The following OLFM3 variants were observed in gnomAD, a reference collection of about 807,000 sequenced individuals.
The protein encoded by OLFM3 is noelin-3.
In OLFM3, 20 loss-of-function variants were observed where a neutral mutation model predicts 48.6. The observed-to-expected ratio is 0.41, with a 90% CI of 0.29 to 0.60. The LOEUF (loss-of-function observed/expected upper bound fraction) is 0.60. Ranked by LOEUF, OLFM3 falls within the 20% of genes least tolerant of loss-of-function variation. OLFM3 has a pLI of 0.28. For synonymous variants in OLFM3, 222 were observed against 198.1 expected, an observed-to-expected ratio of 1.12 and a Z score of -1.01; for missense variants, 437 against 544.3, an observed-to-expected ratio of 0.80 and a Z score of 1.96.
At chr1:101,894,301 G>A (rs1359716407) in intron 1 of OLFM3, among the ~76,000 whole-genome samples, 1 of 152,074 alleles carries the variant, frequency 6.6e-6, no homozygotes, top group Non-Finnish European at 1.5e-5. Context: ...GTTAATAGAA[G>A]GTATAACACA....
At chr1:101,863,873 A>G (rs1267952022) in intron 1 of OLFM3, among the ~76,000 whole-genome samples, 1 of 152,186 alleles carries the variant, frequency 6.6e-6, no homozygotes, top group Non-Finnish European at 1.5e-5. Context: ...ACTGCACATA[A>G]TGATTTAAGA....
chr1:101,853,889 T>C (rs745689755), intron 1 of OLFM3, among the ~76,000 whole-genome samples: 8 of 152,066 alleles, frequency 5.3e-5, no homozygotes, highest in Non-Finnish European at 8.8e-5. Flanking sequence ...CAAGCACTTT[T>C]GGTCTAAGCC....
chr1:101,831,606 G>T (rs1250571190), intron 2 of OLFM3, among the ~76,000 whole-genome samples: 1 of 152,068 alleles, frequency 6.6e-6, no homozygotes, highest in Non-Finnish European at 1.5e-5. Flanking sequence ...TAATAACAGG[G>T]GATGTGTTAA....
intron 1 of OLFM3, among the ~76,000 whole-genome samples, chr1:101,951,529 G>GCC (rs1442337655): frequency 6.6e-6 from 1 of 152,116 alleles, no homozygotes; most frequent in African/African-American, 2.4e-5. Flanking sequence ...GAAAGGAAAT[G>GCC]ATCTACCATC....
intron 4 of OLFM3, among the ~76,000 whole-genome samples, chr1:101,806,444 T>C: frequency 6.6e-6 from 1 of 151,628 alleles, no homozygotes; most frequent in East Asian, 1.9e-4. Context: ...CGGAAAGAAA[T>C]AAATGAGGAA....
chr1:101,868,829 A>G (rs574979454), intron 1 of OLFM3, among the ~76,000 whole-genome samples: 1 of 152,266 alleles, frequency 6.6e-6, no homozygotes, highest in East Asian at 1.9e-4. Context: ...TTCAGCTCCA[A>G]CCATGGCTAA....
intron 1 of OLFM3, among the ~76,000 whole-genome samples, chr1:101,936,448 C>T (rs935190115): frequency 3.9e-5 from 6 of 152,074 alleles, no homozygotes; most frequent in Admixed American, 6.6e-5. Flanking sequence ...CAAAGCCCTG[C>T]TCAAAGAAAT....
chr1:101,824,104 T>TTGTG (rs141570598), intron 4 of OLFM3, among the ~76,000 whole-genome samples: 26 of 150,062 alleles, frequency 1.7e-4, no homozygotes, highest in Middle Eastern at 3.4e-3. Flanking sequence ...AATTAATCTT[T>TTGTG]TGTGTGTGTG....
rs986648391 is a variant in OLFM3, at chr1:101,918,949, C to T, written c.69+77799G>A. ...AATTAAGTAAGCAAGAAAAATTTCC[C>T]ATTTCAGGTTTCAAAAGAAATAAGC... On this transcript the variant is annotated intron_variant, in intron 1 of 5. Transcript: ENST00000370103. Among the ~76,000 whole-genome samples, 31 of 152,100 alleles carry T rather than the reference C, an allele frequency of 2.0e-4. 1 individual carries two copies. The highest frequency in any genetic ancestry group is 2.0e-3 in the Admixed American group (31 of 15,268).
chr1:101,910,064 T>C (rs1658696813), intron 1 of OLFM3: 4 of 985,550 alleles, frequency 4.1e-6, no homozygotes, highest in Non-Finnish European at 3.6e-6. Context: ...TCCTCCTGCT[T>C]TCCTCCTTCT....
intron 4 of OLFM3, among the ~76,000 whole-genome samples, chr1:101,819,640 T>C (rs1439773378): frequency 6.6e-6 from 1 of 151,924 alleles, no homozygotes; most frequent in Non-Finnish European, 1.5e-5. Flanking sequence ...TCTAGCCTCT[T>C]TTTTTTCTAC....
chr1:101,804,998 C>CACTT lies in OLFM3; in HGVS notation c.700-87_700-84dup, dbSNP rs1346472811. The CACTT allele has an allele frequency of 6.6e-6, 7 of 1,059,232 alleles. No individual in the cohort carries two copies. The African/African-American group carries it at 1.1e-4, about 17-fold the overall frequency. The allele number at this position is 1,059,232 out of a possible 1,614,324, so 65.6% of individuals were successfully genotyped here. A position where few individuals can be genotyped will look rare whatever the true frequency, so the allele number is the denominator to read the frequency against. The stretch of plus-strand genomic sequence containing the variant: ...CCAAAAGAAAGACAGTGAGAGTCAA[C>CACTT]ACTTATTATAATTCTCAGGCTCTGG... On this transcript the variant is annotated intron_variant, in intron 5 of 5. Coordinates refer to ENST00000370103, the MANE Select transcript of OLFM3 (RefSeq NM_058170.4). The surrounding 1 kb of genome is among the most constrained non-coding windows in gnomAD (Gnocchi z 4.5).
chr1:101,925,474 T>C (rs1213838811), intron 1 of OLFM3, among the ~76,000 whole-genome samples: 1 of 152,006 alleles, frequency 6.6e-6, no homozygotes, highest in Non-Finnish European at 1.5e-5. Flanking sequence ...ATTGTGTATG[T>C]GAGTGTGTGT....
intron 1 of OLFM3, among the ~76,000 whole-genome samples, chr1:101,879,016 C>T (rs2100987468): frequency 6.6e-6 from 1 of 151,810 alleles, no homozygotes; most frequent in South Asian, 2.1e-4. Context: ...GGAATATCAA[C>T]AAGGGAGGGA....
At chr1:101,956,837 G>A (rs188525153) in intron 1 of OLFM3, among the ~76,000 whole-genome samples, 1 of 151,896 alleles carries the variant, frequency 6.6e-6, no homozygotes, top group East Asian at 1.9e-4. Flanking sequence ...GGTATCTTTT[G>A]CATCTATTTG....
At chr1:101,880,668 T>C (rs1345695654) in intron 1 of OLFM3, among the ~76,000 whole-genome samples, 2 of 151,806 alleles carry the variant, frequency 1.3e-5, no homozygotes, top group African/African-American at 2.4e-5. Context: ...TTTGAAATAT[T>C]AAGGTCTTGC....
intron 1 of OLFM3, among the ~76,000 whole-genome samples, chr1:101,871,455 T>G (rs1012273150): frequency 6.6e-6 from 1 of 152,104 alleles, no homozygotes; most frequent in African/African-American, 2.4e-5. Context: ...CATAGTAAAT[T>G]GTGTAAAAAT....
chr1:101,901,345 AC>A (rs1658380483), intron 1 of OLFM3, among the ~76,000 whole-genome samples: 1 of 152,074 alleles, frequency 6.6e-6, no homozygotes, highest in African/African-American at 2.4e-5. Context: ...GGAGACAAAA[AC>A]CTAAGAGAAA....
At chr1:101,936,887 C>A (rs1412941493) in intron 1 of OLFM3, among the ~76,000 whole-genome samples, 3 of 152,006 alleles carry the variant, frequency 2.0e-5, no homozygotes. Context: ...AATGGTGCTG[C>A]TGGTGGTATA....
Sources: allele counts gnomAD v4.1 joint callset (sites outside exome capture counted in the v4.1 genomes callset), GRCh38; gene constraint gnomAD v4.1.1; non-coding constraint Gnocchi (gnomAD v3.1); transcripts MANE v1.5; gene names NCBI Gene and HGNC (gene_info 2026-07-23, HGNC 2026-07-21).